LINGO2: variants seen among roughly 807,000 people sequenced by gnomAD.
LINGO2 encodes the protein leucine rich repeat and Ig domain containing 2.
Under a neutral mutation model 30.6 loss-of-function variants are expected in LINGO2, and 14 were observed. That is an observed-to-expected ratio of 0.46 (90% confidence interval 0.30 to 0.72). The LOEUF (loss-of-function observed/expected upper bound fraction) is 0.72. LINGO2 is among the 30% of genes least tolerant of loss of function. The probability of loss-of-function intolerance (pLI) is 0.07; values close to 1 mark genes in which losing one functional copy is unlikely to be tolerated. For missense variants in LINGO2, 729 were observed against 751.7 expected (o/e 0.97, Z 0.35); for synonymous variants, 317 against 288.5 (o/e 1.10, Z -1.00).
At chr9:28,237,197 T>C (rs998958820) in intron 4 of LINGO2, among the ~76,000 whole-genome samples, 3 of 151,888 alleles carry the variant, frequency 2.0e-5, no homozygotes, top group Non-Finnish European at 4.4e-5. Context: ...CAATCAGTGC[T>C]AAGCTGTCAT....
chr9:28,855,656 C>G, the LINGO2 span, among the ~76,000 whole-genome samples: 1 of 151,670 alleles, frequency 6.6e-6, no homozygotes, highest in Non-Finnish European at 1.5e-5. Context: ...CCCAGACATA[C>G]ACACACACAC....
the LINGO2 span, among the ~76,000 whole-genome samples, chr9:28,694,317 G>C: frequency 2.6e-5 from 4 of 151,826 alleles, no homozygotes; most frequent in African/African-American, 7.3e-5. Context: ...TTATGAAGAA[G>C]GATGAGAAAG....
intron 4 of LINGO2, among the ~76,000 whole-genome samples, chr9:28,047,638 G>C (rs1201620935): frequency 6.6e-6 from 1 of 150,742 alleles, no homozygotes; most frequent in Non-Finnish European, 1.5e-5. Flanking sequence ...GAGTTATGGT[G>C]ATAGTAACGG....
intron 4 of LINGO2, among the ~76,000 whole-genome samples, chr9:28,174,374 T>C (rs73645604): frequency 0.023 from 3,483 of 152,320 alleles, 53 homozygotes; most frequent in African/African-American, 0.037. Flanking sequence ...GTTTACAAAA[T>C]GCCACTTGCT....
intron 1 of LINGO2, chr9:28,599,301 G>A (rs1230310553): frequency 6.6e-6 from 1 of 152,016 alleles, no homozygotes; most frequent in East Asian, 1.9e-4. Flanking sequence ...TTTACATTAT[G>A]GAACATTTTT....
chr9:28,036,946 G>A (rs1823965969), intron 4 of LINGO2, among the ~76,000 whole-genome samples: 1 of 152,188 alleles, frequency 6.6e-6, no homozygotes, highest in Non-Finnish European at 1.5e-5. Context: ...ATACAAATGA[G>A]AAGTTGGGTG....
At chr9:28,644,230 A>G (rs928300295) in intron 1 of LINGO2, among the ~76,000 whole-genome samples, 4 of 152,150 alleles carry the variant, frequency 2.6e-5, no homozygotes, top group African/African-American at 9.6e-5. Flanking sequence ...TATATCGAAG[A>G]GATAGCTGCA....
chr9:28,454,572 T>C (rs530290232), intron 2 of LINGO2, among the ~76,000 whole-genome samples: 2 of 152,154 alleles, frequency 1.3e-5, no homozygotes, highest in East Asian at 1.9e-4. Flanking sequence ...TTAGGATACA[T>C]ACATATACAT....
chr9:29,029,032 G>C, the LINGO2 span, among the ~76,000 whole-genome samples: 4 of 152,088 alleles, frequency 2.6e-5, no homozygotes, highest in African/African-American at 9.7e-5. Context: ...GCAAATTCTA[G>C]TTAATTTCAT....
chr9:28,488,667 T>C (rs1240415369), intron 1 of LINGO2, among the ~76,000 whole-genome samples: 1 of 152,192 alleles, frequency 6.6e-6, no homozygotes, highest in South Asian at 2.1e-4. Flanking sequence ...ATTTGGAACA[T>C]AATGAGTCAC....
chr9:28,138,962 G>A (rs1297874707), intron 4 of LINGO2, among the ~76,000 whole-genome samples: 1 of 152,180 alleles, frequency 6.6e-6, no homozygotes, highest in Non-Finnish European at 1.5e-5. Context: ...CTCGCTAATG[G>A]TCAGTTTCAC....
the LINGO2 span, among the ~76,000 whole-genome samples, chr9:29,145,678 T>C: frequency 0.041 from 6,250 of 152,254 alleles, 192 homozygotes; most frequent in Admixed American, 0.079. Context: ...AAAACCTGTT[T>C]CTTCAGTGTG....
At chr9:28,980,321 C>A in the LINGO2 span, among the ~76,000 whole-genome samples, 5 of 151,974 alleles carry the variant, frequency 3.3e-5, no homozygotes, top group Admixed American at 2.6e-4. Context: ...CTCTATAATC[C>A]ATTTTCAATA....
intron 5 of LINGO2, among the ~76,000 whole-genome samples, chr9:27,978,012 C>T (rs141720720): frequency 1.3e-5 from 2 of 151,918 alleles, no homozygotes; most frequent in Admixed American, 6.6e-5. Context: ...GTGTGTGGCT[C>T]GACTGCTCTT....
chr9:28,743,470 G>T, the LINGO2 span, among the ~76,000 whole-genome samples: 1 of 151,918 alleles, frequency 6.6e-6, no homozygotes, highest in East Asian at 1.9e-4. Flanking sequence ...TGCTGAGAAT[G>T]ATGGTTTCCA....
intron 4 of LINGO2, among the ~76,000 whole-genome samples, chr9:28,171,196 G>T (rs540488737): frequency 3.3e-5 from 5 of 152,100 alleles, no homozygotes; most frequent in Non-Finnish European, 7.4e-5. Flanking sequence ...AATGAAAACC[G>T]ACTGCAACAT....
At chr9:28,866,448 G>A in the LINGO2 span, among the ~76,000 whole-genome samples, 38 of 152,076 alleles carry the variant, frequency 2.5e-4, no homozygotes, top group Non-Finnish European at 5.3e-4. Flanking sequence ...GTACCACGGG[G>A]CATACAAAGT....
At chr9:29,132,872 C>T in the LINGO2 span, among the ~76,000 whole-genome samples, 11 of 148,536 alleles carry the variant, frequency 7.4e-5, no homozygotes, top group African/African-American at 2.5e-4. Context: ...TATCTAGCAA[C>T]ATGTAATCCT....
At chr9:28,676,238 C>A in the LINGO2 span, among the ~76,000 whole-genome samples, 1 of 151,486 alleles carries the variant, frequency 6.6e-6, no homozygotes, top group Non-Finnish European at 1.5e-5. Flanking sequence ...TTATATGATG[C>A]CAAATTTTAA....
Sources: gnomAD v4.1 joint callset for allele counts (sites outside exome capture counted in the v4.1 genomes callset) on GRCh38, gnomAD v4.1.1 for gene constraint, MANE v1.5 for transcripts, NCBI Gene and HGNC (gene_info 2026-07-23, HGNC 2026-07-21) for gene names.